Variants in ZBTB11 observed in about 807,000 individuals in gnomAD.
ZBTB11 encodes the protein zinc finger and BTB domain-containing protein 11.
Under a neutral mutation model 113.1 loss-of-function variants are expected in ZBTB11, and 68 were observed. The observed-to-expected ratio is 0.60, with a 90% CI of 0.49 to 0.74. The LOEUF is 0.74. ZBTB11 is among the 30% of genes least tolerant of loss of function. The pLI is 0.00. For missense variants in ZBTB11, 1,104 were observed against 1,279.4 expected (o/e 0.86, Z 2.09); for synonymous variants, 518 against 452.6 (o/e 1.14, Z -1.83).
At chr3:101,667,667 T>G (rs181837313) in intron 3 of ZBTB11, among the ~76,000 whole-genome samples, 31 of 152,312 alleles carry the variant, frequency 2.0e-4, no homozygotes, top group Non-Finnish European at 3.7e-4. Context: ...AATTCTTTTT[T>G]TTTGTTTGTT....
rs112470077 is a variant in ZBTB11, at chr3:101,673,270, G to A, written c.311-1057C>T. ...ATACAAGAGGAAAATAAAGCCCTAA[G>A]AGGTATGTAGCTTGTCCAAAGTCAC... On this transcript the variant is annotated intron_variant, in intron 1 of 10. Transcript: ENST00000312938. Among the ~76,000 whole-genome samples the A allele has an allele frequency of 4.3e-3, 660 of 152,228 alleles. 5 individuals are homozygous for A. The highest frequency in any genetic ancestry group is 0.014 in the African/African-American group (592 of 41,524).
intron 1 of ZBTB11, 150 bp from the exon 2 acceptor site, chr3:101,672,363 T>C: frequency 3.5e-6 from 2 of 576,980 alleles, no homozygotes; most frequent in Non-Finnish European, 2.9e-6. Context: ...ATGTAAAATA[T>C]ACTTTTTTCC....
In ZBTB11 at chr3:101,664,544, T is replaced by A; in HGVS notation, c.1794A>T (p.Lys598Asn). The change falls in exon 5 of 11, where the codon AAA becomes AAT. Residue 598 changes from lysine (K) to asparagine (N), a missense_variant. Lys to Asn is a moderately conservative substitution (Grantham distance 94, BLOSUM62 0). Coordinates refer to ENST00000312938, the MANE Select transcript of ZBTB11 (RefSeq NM_014415.4). ...TAGCTTTCCAAATACTTACTGGACA[T>A]TTGTAATCTCTAGCTCTTTCATGTT... ...KLKHERARDY[K>N]CPLCKKQFQY... The A allele has an allele frequency of 4.4e-6, 7 of 1,601,186 alleles. No homozygotes were observed. The highest frequency in any genetic ancestry group is 5.9e-6 in the Non-Finnish European group (7 of 1,176,710).
In ZBTB11 at chr3:101,676,758, G is replaced by GCCGCCGCTGGTAATACAGAGTC; in HGVS notation, c.135_156dup (p.Gln53AspfsTer69). ...TCCGCGAAGGTCTTGCGGTGCCGCT[G>GCCGCCGCTGGTAATACAGAGTC]CCGCCGCTGGTAATACAGAGTCCCG... On this transcript the variant is annotated frameshift_variant, in exon 1 of 11. Coordinates refer to ENST00000312938, the MANE Select transcript of ZBTB11 (RefSeq NM_014415.4). LOFTEE classifies it high-confidence loss of function. 6.2e-7 allele frequency: 1 copy of GCCGCCGCTGGTAATACAGAGTC among 1,607,936 alleles called. No individual in the cohort carries two copies. The highest frequency in any genetic ancestry group is 8.5e-7 in the Non-Finnish European group (1 of 1,177,530).
intron 10 of ZBTB11, among the ~76,000 whole-genome samples, 200 bp from the exon 11 acceptor site, chr3:101,651,883 C>T (rs1421914781): frequency 6.6e-6 from 1 of 152,140 alleles, no homozygotes; most frequent in African/African-American, 2.4e-5. Flanking sequence ...CCTGTAATCC[C>T]AGCACTTTGG....
chr3:101,652,708 A>G, intron 9 of ZBTB11, 37 bp from the exon 10 acceptor site: 1 of 1,611,122 alleles, frequency 6.2e-7, no homozygotes, highest in Non-Finnish European at 8.5e-7. Context: ...TTTTGTCCAA[A>G]GAAGTAGCAG....
At position 101,659,788 on chromosome 3, in the gene ZBTB11, A is replaced by T; in HGVS notation, c.2041T>A (p.Cys681Ser). 1 of 1,613,988 alleles carries T rather than the reference A, an allele frequency of 6.2e-7. No individual in the cohort carries two copies. Among genetic ancestry groups the T allele is most frequent in the East Asian group, 2.2e-5 (1 of 44,878 alleles). The change falls in exon 6 of 11, where the codon TGC (cysteine) becomes AGC (serine). Residue 681 changes from cysteine (C) to serine (S), a missense_variant. By Grantham distance (112) the Cys-to-Ser change is moderately radical. This residue lies in a region of ZBTB11 where 535 missense variants were observed against 518.6 expected (regional missense o/e 1.03). Transcript: ENST00000312938. ...LKHTGVKPHA[C>S]QVCGKTFIYK... The stretch of plus-strand genomic sequence containing the variant: ...AATAAACGTTATAGCTTTACCTGGC[A>T]TGCATGTGGCTTTACACCTGTGTGC...
intron 5 of ZBTB11, 131 bp from the exon 6 acceptor site, chr3:101,660,159 G>A (rs1936864027): frequency 4.5e-6 from 4 of 881,826 alleles, no homozygotes; most frequent in South Asian, 1.8e-5. Context: ...AAAAACAATA[G>A]GTACTAGATT....
chr3:101,668,406 CAGG>C (rs1471673605), intron 3 of ZBTB11, among the ~76,000 whole-genome samples: 6 of 152,020 alleles, frequency 3.9e-5, no homozygotes, highest in Non-Finnish European at 7.4e-5. Flanking sequence ...GAGGGTGAGG[CAGG>C]AGGAGTCCAG....
rs1936858519 is a variant in ZBTB11 at position 101,659,897 on chromosome 3, C to T, written c.1932G>A (p.Lys644=). The T allele has an allele frequency of 6.2e-7, 1 of 1,614,184 alleles. No homozygotes were observed. Among genetic ancestry groups the T allele is most frequent in the Non-Finnish European group, 8.5e-7 (1 of 1,180,036 alleles). Residue 644 remains lysine (K), a synonymous_variant, in exon 6 of 11, where the codon AAG becomes AAA. Coordinates refer to ENST00000312938, the MANE Select transcript of ZBTB11 (RefSeq NM_014415.4). ...ATATAAATTCCCGCTTGGTTCTGCCCTTCTCAGATGATGTTCCCGATGCTT... is the reference window on the plus strand; with the variant it reads ...ATATAAATTCCCGCTTGGTTCTGCCTTTCTCAGATGATGTTCCCGATGCTT... ...SNEASGTSSE[K]GRTKREFICS...
Position 101,651,298 on chromosome 3 carries a change from T to C in ZBTB11, c.3030A>G (p.Thr1010=). 6.2e-7 allele frequency: 1 copy of C among 1,614,238 alleles called. No homozygotes were observed. Among genetic ancestry groups the C allele is most frequent in the Non-Finnish European group, 8.5e-7 (1 of 1,180,034 alleles). The change falls in exon 11 of 11, where the codon ACA becomes ACG. Residue 1010 remains threonine (T), a synonymous_variant. Transcript: ENST00000312938. ...CTTGCATAATACTTTGGTCAGAAAG[T>C]GTAGATACCGATGGATACTCTTCAG... The part of the protein sequence containing the change: ...AATEEYPSVS[T]LSDQSIMQVV...
intron 1 of ZBTB11, among the ~76,000 whole-genome samples, chr3:101,672,906 GCAATGTCC>G (rs1443109464): frequency 2.0e-5 from 3 of 152,214 alleles, no homozygotes; most frequent in African/African-American, 4.8e-5. Context: ...ACAAAGAACA[GCAATGTCC>G]CAGAGGGATG....
chr3:101,671,381 A>G lies in ZBTB11; in HGVS notation c.547-20T>C, dbSNP rs1357737217. ...GTCAACCTGTCAAAATAAGTTTGAG[A>G]GCAAGAGTAACATATTACCTGTATT... On this transcript the variant is annotated intron_variant, in intron 2 of 10. Coordinates refer to ENST00000312938, the MANE Select transcript of ZBTB11 (RefSeq NM_014415.4). 4 of 1,590,498 alleles carry G rather than the reference A, an allele frequency of 2.5e-6. No homozygotes were observed. The highest frequency in any genetic ancestry group is 1.1e-5 in the South Asian group (1 of 90,574).
Position 101,665,068 on chromosome 3 carries a change from G to C in ZBTB11, c.1519C>G (p.Leu507Val). ...CCTTCATTAACAGAACGTTGTCGAA[G>C]CCTGCTTCTATAAGTATCATCATCA... ...GPDDDTYRSRLRQRSVNEGAY... is the reference protein window; with the variant it reads ...GPDDDTYRSRVRQRSVNEGAY... Residue 507 changes from leucine to valine, a missense_variant, in exon 4 of 11, where the codon CTT becomes GTT. Transcript: ENST00000312938. The C allele has an allele frequency of 6.2e-7, 1 of 1,614,044 alleles. No homozygotes were observed. Among genetic ancestry groups the C allele is most frequent in the Non-Finnish European group, 8.5e-7 (1 of 1,180,022 alleles).
chr3:101,676,260 C>A (rs887991661), intron 1 of ZBTB11, among the ~76,000 whole-genome samples: 1 of 147,798 alleles, frequency 6.8e-6, no homozygotes, highest in East Asian at 2.0e-4. Flanking sequence ...GCGAGCCACA[C>A]GCCACCTCCA....
Position 101,649,064 on chromosome 3 carries a change from GCTCCTCTCTTCT to G in ZBTB11, c.*2090_*2101del, listed in dbSNP as rs1024984825. The G allele has an allele frequency of 7.9e-5, 12 of 152,368 alleles. No homozygotes were observed. Among genetic ancestry groups the G allele is most frequent in the African/African-American group, 2.9e-4 (12 of 41,562 alleles). The allele number at this position is 152,368 out of a possible 1,614,324, so 9.4% of individuals were successfully genotyped here. On this transcript the variant is annotated 3_prime_UTR_variant, in exon 11 of 11. Coordinates refer to ENST00000312938, the MANE Select transcript of ZBTB11 (RefSeq NM_014415.4). ...GCTGAACTCCTCTGGACGTTTAGATGCTCCTCTCTTCTCTCCTCTGCCGCAACACTCTTCTGC... is the reference window on the plus strand; with the variant it reads ...GCTGAACTCCTCTGGACGTTTAGATGCTCCTCTGCCGCAACACTCTTCTGC...
intron 6 of ZBTB11, among the ~76,000 whole-genome samples, chr3:101,657,913 G>A (rs1457863260): frequency 6.6e-6 from 1 of 152,152 alleles, no homozygotes; most frequent in East Asian, 1.9e-4. Context: ...TGATGCAGGA[G>A]GATTGCTTGA....
chr3:101,656,059 AAT>A (rs1936792330), intron 7 of ZBTB11, 43 bp downstream of exon 7: 2 of 1,333,468 alleles, frequency 1.5e-6, no homozygotes, highest in African/African-American at 3.0e-5. Context: ...CATAATCATT[AAT>A]AGTTTATGAA....
At chr3:101,661,365 C>T (rs1936884698) in intron 5 of ZBTB11, among the ~76,000 whole-genome samples, 1 of 152,088 alleles carries the variant, frequency 6.6e-6, no homozygotes, top group African/African-American at 2.4e-5. Flanking sequence ...AACTGGATGC[C>T]ATGTTTTGTA....
Sources: allele counts gnomAD v4.1 joint callset (sites outside exome capture counted in the v4.1 genomes callset), GRCh38; gene constraint gnomAD v4.1.1; regional missense constraint gnomAD v4.1.1; transcripts MANE v1.5; gene names NCBI Gene and HGNC (gene_info 2026-07-23, HGNC 2026-07-21).